The following WFS1 variants were observed in gnomAD, a reference collection of about 807,000 sequenced individuals.
WFS1 encodes the protein wolframin ER transmembrane glycoprotein.
WFS1 carries 90 observed loss-of-function variants against 68.5 expected under a neutral mutation model. The observed-to-expected ratio is 1.31, with a 90% confidence interval of 1.11 to 1.56. The LOEUF (loss-of-function observed/expected upper bound fraction) is 1.56. WFS1 is among the 40% of genes most tolerant of loss of function. The pLI is 0.00. For synonymous variants in WFS1, 860 were observed against 540.7 expected, an observed-to-expected ratio of 1.59 and a Z score of -8.19; for missense variants, 1,767 against 1,232.6, an observed-to-expected ratio of 1.43 and a Z score of -6.49.
rs28937891 is a variant in WFS1, at chr4:6,301,879, G to T, written c.2084G>T (p.Gly695Val). The change falls in exon 8 of 8, where the codon GGC becomes GTC. Residue 695 changes from glycine to valine, a missense_variant. Physicochemically the swap from Gly to Val is moderately radical, Grantham distance 109. Transcript: ENST00000226760. ...CAGATCCTCTGCAGCCACCTGGAGG[G>T]CCACAGGGTCACGTGGACCGGCCGC... Reference protein sequence around the residue: ...RTQILCSHLEGHRVTWTGRFK... With the variant: ...RTQILCSHLEVHRVTWTGRFK... The T allele has an allele frequency of 5.0e-6, 8 of 1,612,704 alleles. No homozygotes were observed. The highest frequency in any genetic ancestry group is 6.8e-6 in the Non-Finnish European group (8 of 1,179,810).
At chr4:6,291,419 C>G (rs769770719) in intron 5 of WFS1, 52 bp downstream of exon 5, 1 of 1,598,198 alleles carries the variant, frequency 6.3e-7, no homozygotes, top group Non-Finnish European at 8.5e-7. Context: ...AGCCTTCCCA[C>G]AGGAGCCAGG....
At chr4:6,286,864 C>A (rs950194329) in intron 2 of WFS1, among the ~76,000 whole-genome samples, 1 of 152,212 alleles carries the variant, frequency 6.6e-6, no homozygotes, top group Non-Finnish European at 1.5e-5. Context: ...ACCACCTCAC[C>A]CGCATAGAGT....
chr4:6,298,880 T>G (rs1239479157), intron 7 of WFS1, among the ~76,000 whole-genome samples: 2 of 152,160 alleles, frequency 1.3e-5, no homozygotes, highest in African/African-American at 2.4e-5. Context: ...CCCAGGGGAT[T>G]TGTGGGGTCT....
Position 6,302,432 on chromosome 4 carries a change from CGACT to C in WFS1, c.2638_2641del (p.Asp880SerfsTer71), listed in dbSNP as rs1730980688. On this transcript the variant is annotated frameshift_variant, in exon 8 of 8. Coordinates refer to ENST00000226760, the MANE Select transcript of WFS1 (RefSeq NM_006005.3). LOFTEE classifies it high-confidence loss of function. The stretch of plus-strand genomic sequence containing the variant: ...TGCATGGCGCCGTGAAGTTCGCCTT[CGACT>C]TCTTTTTCTTCCCATTCCTGTCGGC... The C allele has an allele frequency of 1.2e-6, 2 of 1,613,108 alleles. No homozygotes were observed. The highest frequency in any genetic ancestry group is 1.7e-6 in the Non-Finnish European group (2 of 1,180,050).
Position 6,284,325 on chromosome 4 carries a change from AT to A in WFS1, c.233-2764del, listed in dbSNP as rs1231741343. Among the ~76,000 whole-genome samples, 15 of 152,302 alleles carry A rather than the reference AT, an allele frequency of 9.8e-5. No homozygotes were observed. The East Asian group carries it at 2.7e-3, about 27-fold the overall frequency. ...GAGGCAGAGGTTGTGGCGAGCCGAG[AT>A]TTTGTCATTGCATTCCAGCCTGGGC... On this transcript the variant is annotated intron_variant, in intron 2 of 7. Coordinates refer to ENST00000226760, the MANE Select transcript of WFS1 (RefSeq NM_006005.3).
chr4:6,290,554 C>T (rs980325811), intron 4 of WFS1, among the ~76,000 whole-genome samples: 3 of 152,248 alleles, frequency 2.0e-5, no homozygotes, highest in African/African-American at 7.2e-5. Flanking sequence ...AATACATGCT[C>T]ATGTGGAAAA....
intron 1 of WFS1, among the ~76,000 whole-genome samples, chr4:6,275,892 G>A (rs1729979881): frequency 6.6e-6 from 1 of 152,226 alleles, no homozygotes; most frequent in Admixed American, 6.5e-5. Context: ...GAGGTGGCCA[G>A]GGGACTCCCT....
intron 5 of WFS1, 100 bp downstream of exon 5, chr4:6,291,467 G>A: frequency 6.7e-7 from 1 of 1,489,218 alleles, no homozygotes; most frequent in Non-Finnish European, 9.1e-7. Flanking sequence ...CTCAGGGGCT[G>A]GGTCTTCCCA....
rs372609400 is a variant in WFS1 at position 6,277,686 on chromosome 4, C to T, written c.231C>T (p.Thr77=). The T allele has an allele frequency of 8.6e-5, 134 of 1,557,448 alleles. No individual in the cohort carries two copies. The highest frequency in any genetic ancestry group is 1.1e-4 in the African/African-American group (8 of 73,458). The change falls in exon 2 of 8, where the codon ACC becomes ACT. Residue 77 remains threonine (T), a splice_region_variant and synonymous_variant. Coordinates refer to ENST00000226760, the MANE Select transcript of WFS1 (RefSeq NM_006005.3). ...GGAGCCGGGAAAGAGCAGACGGCAC[C>T]GGTAAGGGAGCAGGCTGGGAAGCCC... ...HTRSRERADG[T]GPTKGDMEIP... is the part of the protein sequence containing the mutation.
At chr4:6,276,163 T>G (rs947944646) in intron 1 of WFS1, among the ~76,000 whole-genome samples, 3 of 152,100 alleles carry the variant, frequency 2.0e-5, no homozygotes, top group Non-Finnish European at 2.9e-5. Context: ...AGGAAAAGTT[T>G]CCACAGCCTC....
In WFS1 at chr4:6,301,782, A is replaced by G. The variant is rs1241427653; in HGVS notation, c.1987A>G (p.Thr663Ala). Reference protein sequence around the residue: ...RSEGMKVYNSTLTWQQYGALC... With the variant: ...RSEGMKVYNSALTWQQYGALC... ...AGAGGGCATGAAGGTCTACAACTCC[A>G]CACTGACCTGGCAGCAGTATGGTGC... Residue 663 changes from threonine (T) to alanine (A), a missense_variant, in exon 8 of 8, where the codon ACA becomes GCA. Transcript: ENST00000226760. 2 of 1,613,484 alleles carry G rather than the reference A, an allele frequency of 1.2e-6. No individual in the cohort carries two copies. Among genetic ancestry groups the G allele is most frequent in the Admixed American group, 3.3e-5 (2 of 60,020 alleles).
At chr4:6,294,707 G>T (rs959724841) in intron 6 of WFS1, 4 of 377,190 alleles carry the variant, frequency 1.1e-5, no homozygotes, top group Admixed American at 3.7e-5. Flanking sequence ...GGTGCATGTT[G>T]TAAGGCTTGG....
chr4:6,277,505 C>G lies in WFS1; in HGVS notation c.50C>G (p.Pro17Arg), dbSNP rs763084088. ...GGCCCCTCCTGCCCACAGCCCCCGC[C>G]AGCACCGCAGCCCCAGGCGCGTTCC... ...PLGPSCPQPP[P>R]APQPQARSRL... Residue 17 changes from proline to arginine, a missense_variant, in exon 2 of 8, where the codon CCA becomes CGA. By Grantham distance (103) the Pro-to-Arg change is moderately radical. Transcript: ENST00000226760. 6.3e-7 allele frequency: 1 copy of G among 1,578,348 alleles called. No homozygotes were observed. The highest frequency in any genetic ancestry group is 1.3e-5 in the African/African-American group (1 of 74,460).
At chr4:6,279,593 G>T (rs1730096675) in intron 2 of WFS1, among the ~76,000 whole-genome samples, 1 of 152,180 alleles carries the variant, frequency 6.6e-6, no homozygotes, top group South Asian at 2.1e-4. Flanking sequence ...TGCCTGGCCA[G>T]GCCCTGGTGA....
chr4:6,291,967 C>A lies in WFS1; in HGVS notation c.682C>A (p.Arg228Ser). ...PVPKSLQKQR[R>S]MLERLVSSES... ...GCCCAAGTCCCTGCAGAAGCAGAGG[C>A]GCATGCTGGAGCGCCTGGTCAGCAG... The change falls in exon 6 of 8, where the codon CGC (arginine) becomes AGC (serine). Residue 228 changes from arginine to serine, a missense_variant. Transcript: ENST00000226760. 1 of 1,610,632 alleles carries A rather than the reference C, an allele frequency of 6.2e-7. No individual in the cohort carries two copies. Among genetic ancestry groups the A allele is most frequent in the Non-Finnish European group, 8.5e-7 (1 of 1,179,214 alleles).
Position 6,278,015 on chromosome 4 carries a change from A to G in WFS1, c.232+328A>G, listed in dbSNP as rs142074898. Reference sequence around the variant, plus strand: ...GGAGTAAATTCACGGGCCCTCTGTAACCAACTAGGGTGGCAGGCCAGAGGT... The same window carrying G: ...GGAGTAAATTCACGGGCCCTCTGTAGCCAACTAGGGTGGCAGGCCAGAGGT... On this transcript the variant is annotated intron_variant, in intron 2 of 7. Coordinates refer to ENST00000226760, the MANE Select transcript of WFS1 (RefSeq NM_006005.3). Among the ~76,000 whole-genome samples the G allele has an allele frequency of 3.0e-3, 457 of 152,296 alleles. 1 individual carries two copies. The highest frequency in any genetic ancestry group is 8.0e-3 in the Admixed American group (122 of 15,308).
chr4:6,295,731 G>A (rs899611015), intron 7 of WFS1, among the ~76,000 whole-genome samples: 1 of 152,254 alleles, frequency 6.6e-6, no homozygotes, highest in Admixed American at 6.5e-5. Flanking sequence ...CACACCTGGA[G>A]GACATGAGCA....
rs1322763664 is a variant in WFS1 at position 6,291,192 on chromosome 4, C to T, written c.461-5C>T. 1.2e-6 allele frequency: 2 copies of T among 1,612,130 alleles called. No individual in the cohort carries two copies. The highest frequency in any genetic ancestry group is 3.3e-5 in the Admixed American group (2 of 60,030). On this transcript the variant is annotated splice_polypyrimidine_tract_variant and splice_region_variant and intron_variant, in intron 4 of 7. Transcript: ENST00000226760. The stretch of plus-strand genomic sequence containing the variant: ...CAAGGCCTTTGACCACATCCTATCC[C>T]TCAGGCATCACGTCCGAGAACGAAC...
Position 6,289,020 on chromosome 4 carries a change from A to G in WFS1, c.349A>G (p.Thr117Ala), listed in dbSNP as rs781352629. Residue 117 changes from threonine to alanine, a missense_variant, in exon 4 of 8, where the codon ACG becomes GCG. Physicochemically the swap from Thr to Ala is moderately conservative, Grantham distance 58. Coordinates refer to ENST00000226760, the MANE Select transcript of WFS1 (RefSeq NM_006005.3). Reference protein sequence around the residue: ...GKHYLQLAGDTDEELNSCTAV... With the variant: ...GKHYLQLAGDADEELNSCTAV... Reference sequence around the variant, plus strand: ...GCACTACCTGCAGTTGGCCGGCGACACGGATGAAGAACTCAACAGCTGCAC... The same window carrying G: ...GCACTACCTGCAGTTGGCCGGCGACGCGGATGAAGAACTCAACAGCTGCAC... 6.2e-7 allele frequency: 1 copy of G among 1,608,138 alleles called. No individual in the cohort carries two copies. The highest frequency in any genetic ancestry group is 1.1e-5 in the South Asian group (1 of 89,468).
Sources: gnomAD v4.1 joint callset for allele counts (sites outside exome capture counted in the v4.1 genomes callset) on GRCh38, gnomAD v4.1.1 for gene constraint, MANE v1.5 for transcripts, NCBI Gene and HGNC (gene_info 2026-07-23, HGNC 2026-07-21) for gene names.